Variants in ENPP3 observed in about 807,000 individuals in gnomAD.
The protein encoded by ENPP3 is ectonucleotide pyrophosphatase/phosphodiesterase 3.
ENPP3 carries 104 observed loss-of-function variants against 117.8 expected under a neutral mutation model. The ratio of observed to expected loss-of-function variants is 0.88; its 90% confidence interval spans 0.75 to 1.04. The LOEUF is 1.04. ENPP3 is among the 50% of genes least tolerant of loss of function. The probability of loss-of-function intolerance (pLI) is 0.00; values close to 1 mark genes in which losing one functional copy is unlikely to be tolerated. For missense variants in ENPP3, 1,026 were observed against 1,051.9 expected (o/e 0.98, Z 0.34); for synonymous variants, 380 against 349.9 (o/e 1.09, Z -0.96).
intron 6 of ENPP3, among the ~76,000 whole-genome samples, chr6:131,660,660 G>A (rs1022246949): frequency 6.6e-6 from 1 of 152,156 alleles, no homozygotes; most frequent in African/African-American, 2.4e-5. Flanking sequence ...TGCAAGGTTG[G>A]CATTCATGAA....
chr6:131,709,843 T>C, intron 15 of ENPP3: 7 of 1,603,522 alleles, frequency 4.4e-6, no homozygotes, highest in Non-Finnish European at 3.4e-6. Flanking sequence ...TTCATTTTCT[T>C]GATAGAATTC....
intron 2 of ENPP3, among the ~76,000 whole-genome samples, chr6:131,641,838 CTG>C (rs1213423521): frequency 2.4e-5 from 2 of 82,422 alleles, no homozygotes; most frequent in East Asian, 1.3e-3. Flanking sequence ...AGATCTCACT[CTG>C]TCTCTCAGGC....
At chr6:131,660,946 T>TATG (rs1778486309) in intron 6 of ENPP3, among the ~76,000 whole-genome samples, 1 of 152,222 alleles carries the variant, frequency 6.6e-6, no homozygotes, top group Non-Finnish European at 1.5e-5. Context: ...TGATTTTAAC[T>TATG]ATTTTAGATA....
rs148701216 is a variant in ENPP3, at chr6:131,658,588, C to T, written c.562+168C>T. Among the ~76,000 whole-genome samples, 1,423 of 152,312 alleles carry T rather than the reference C, an allele frequency of 9.3e-3. 8 individuals are homozygous for T. The highest frequency in any genetic ancestry group is 0.015 in the Non-Finnish European group (991 of 68,026). The stretch of plus-strand genomic sequence containing the variant: ...ACTTTCATTCGGAAGTATATTTTCA[C>T]GCTTGCTGGCTTCTCCTACCTTTAT... On this transcript the variant is annotated intron_variant, in intron 6 of 24. Coordinates refer to ENST00000357639, the MANE Select transcript of ENPP3 (RefSeq NM_005021.5).
chr6:131,696,722 G>A (rs1779414422), intron 15 of ENPP3, among the ~76,000 whole-genome samples: 1 of 151,170 alleles, frequency 6.6e-6, no homozygotes, highest in African/African-American at 2.4e-5. Context: ...GCCAGGCCGC[G>A]TCCTTCAAAG....
intron 15 of ENPP3, chr6:131,700,826 G>A (rs747612978): frequency 1.5e-6 from 2 of 1,291,052 alleles, no homozygotes; most frequent in South Asian, 1.3e-5. Flanking sequence ...TCTCATTGAT[G>A]TGGGTATCTG....
chr6:131,715,506 C>T (rs1490804201), intron 15 of ENPP3, among the ~76,000 whole-genome samples: 10 of 140,358 alleles, frequency 7.1e-5, no homozygotes, highest in South Asian at 6.6e-4. Flanking sequence ...GCAGAGATTG[C>T]GGTGTAGTGG....
Position 131,693,571 on chromosome 6 carries a change from C to T in ENPP3, c.1359C>T (p.Asn453=), listed in dbSNP as rs368371746. 1.9e-5 allele frequency: 31 copies of T among 1,613,748 alleles called. No individual in the cohort carries two copies. In the African/African-American group the frequency reaches 2.0e-4, roughly 10 times the overall value. The change falls in exon 15 of 25, where the codon AAC becomes AAT. Residue 453 remains asparagine (N), a synonymous_variant. Coordinates refer to ENST00000357639, the MANE Select transcript of ENPP3 (RefSeq NM_005021.5). Reference sequence around the variant, plus strand: ...CAAAGCGACTGCACTATGCCAAGAACGTCAGAATCGACAAAGTTCATCTCT... The same window carrying T: ...CAAAGCGACTGCACTATGCCAAGAATGTCAGAATCGACAAAGTTCATCTCT... The part of the protein sequence containing the change: ...DLPKRLHYAK[N]VRIDKVHLFV...
intron 6 of ENPP3, among the ~76,000 whole-genome samples, chr6:131,670,587 C>T (rs1778718461): frequency 6.6e-6 from 1 of 152,184 alleles, no homozygotes; most frequent in African/African-American, 2.4e-5. Context: ...ATCTCCTGAG[C>T]TCAAACAATC....
intron 15 of ENPP3, among the ~76,000 whole-genome samples, chr6:131,714,111 A>G (rs578203766): frequency 1.2e-4 from 19 of 152,190 alleles, no homozygotes; most frequent in Non-Finnish European, 2.4e-4. Context: ...TTTATTGAAT[A>G]CTGTACTGAA....
At chr6:131,736,490 A>C (rs1780400168) in intron 21 of ENPP3, among the ~76,000 whole-genome samples, 1 of 152,064 alleles carries the variant, frequency 6.6e-6, no homozygotes, top group African/African-American at 2.4e-5. Context: ...ATTCACTATC[A>C]CGTGAACGGC....
intron 8 of ENPP3, among the ~76,000 whole-genome samples, chr6:131,674,608 C>T (rs185185877): frequency 1.3e-5 from 2 of 149,120 alleles, no homozygotes; most frequent in African/African-American, 5.0e-5. Flanking sequence ...GAGTCTTGCT[C>T]TGTCGCCAGG....
At chr6:131,725,658 G>T (rs563839829) in intron 19 of ENPP3, among the ~76,000 whole-genome samples, 2 of 152,026 alleles carry the variant, frequency 1.3e-5, no homozygotes, top group African/African-American at 4.8e-5. Context: ...ACTAGACTAG[G>T]TCATCTTTGT....
intron 12 of ENPP3, 33 bp from the exon 13 acceptor site, chr6:131,685,331 T>G (rs1779129187): frequency 6.4e-7 from 1 of 1,573,242 alleles, no homozygotes; most frequent in Non-Finnish European, 8.7e-7. Flanking sequence ...TTATATACAT[T>G]CAGTGGGTTA....
rs775699838 is a variant in ENPP3 at position 131,737,446 on chromosome 6, T to C, written c.2167+14T>C. On this transcript the variant is annotated intron_variant, in intron 22 of 24. Coordinates refer to ENST00000357639, the MANE Select transcript of ENPP3 (RefSeq NM_005021.5). Reference sequence around the variant, plus strand: ...AAGAATTCAGAAGTAAGTATGAATTTAGAGTATTAATTTTAAAATAGTTAA... The same window carrying C: ...AAGAATTCAGAAGTAAGTATGAATTCAGAGTATTAATTTTAAAATAGTTAA... 3.6e-6 allele frequency: 5 copies of C among 1,408,416 alleles called. No homozygotes were observed. In the African/African-American group the frequency reaches 7.1e-5, roughly 20 times the overall value. 87.2% of individuals were successfully genotyped at this position (1,408,416 alleles called of 1,614,324 possible). A position where few individuals can be genotyped will look rare whatever the true frequency, so the allele number is the denominator to read the frequency against.
rs1780150218 is a variant in ENPP3, at chr6:131,726,155, AGCTATGAGGAT to A, written c.1911_1921del (p.Met638HisfsTer27). On this transcript the variant is annotated frameshift_variant, in exon 20 of 25. Coordinates refer to ENST00000357639, the MANE Select transcript of ENPP3 (RefSeq NM_005021.5). LOFTEE classifies it high-confidence loss of function. ...GGGAATATGTCAGTGGATTTGGAAA[AGCTATGAGGAT>A]GCCCATGTGGAGTTCATACACAGTC... 6.2e-7 allele frequency: 1 copy of A among 1,614,058 alleles called. No individual in the cohort carries two copies.
In ENPP3 at chr6:131,677,878, T is replaced by C; in HGVS notation, c.949T>C (p.Tyr317His). 1.1e-5 allele frequency: 18 copies of C among 1,605,778 alleles called. No homozygotes were observed. Among genetic ancestry groups the C allele is most frequent in the Non-Finnish European group, 1.4e-5 (17 of 1,172,552 alleles). Residue 317 changes from tyrosine to histidine, a missense_variant, in exon 11 of 25, where the codon TAT becomes CAT. Coordinates refer to ENST00000357639, the MANE Select transcript of ENPP3 (RefSeq NM_005021.5). ...DLPKAERPRFYTMYFEEPDSS... is the reference protein window; with the variant it reads ...DLPKAERPRFHTMYFEEPDSS... ...CAATTTTACCCCTAGACCCAGGTTT[T>C]ATACCATGTATTTTGAAGAACCTGA...
At chr6:131,664,863 T>G (rs1193927194) in intron 6 of ENPP3, among the ~76,000 whole-genome samples, 1 of 152,176 alleles carries the variant, frequency 6.6e-6, no homozygotes, top group East Asian at 1.9e-4. Flanking sequence ...TGCACAATGA[T>G]GGAATTGTCT....
At chr6:131,690,736 A>T (rs1406956587) in intron 14 of ENPP3, among the ~76,000 whole-genome samples, 1 of 152,016 alleles carries the variant, frequency 6.6e-6, no homozygotes, top group East Asian at 1.9e-4. Context: ...AATGCCCATT[A>T]GAGCAGAATT....
Sources: gnomAD v4.1 joint callset for allele counts (sites outside exome capture counted in the v4.1 genomes callset) on GRCh38, gnomAD v4.1.1 for gene constraint, MANE v1.5 for transcripts, NCBI Gene and HGNC (gene_info 2026-07-23, HGNC 2026-07-21) for gene names.